The following PIK3C2A variants were observed in gnomAD, a reference collection of about 807,000 sequenced individuals.
The protein encoded by PIK3C2A is phosphatidylinositol 4-phosphate 3-kinase C2 domain-containing subunit alpha.
PIK3C2A carries 97 observed loss-of-function variants against 204.5 expected under a neutral mutation model. The ratio of observed to expected loss-of-function variants is 0.47; its 90% CI spans 0.40 to 0.56. The LOEUF (loss-of-function observed/expected upper bound fraction) is 0.56, where lower values mean the gene tolerates loss of function less well. Ranked by LOEUF, PIK3C2A falls within the 20% of genes least tolerant of loss-of-function variation. The probability of loss-of-function intolerance (pLI) is 0.00; values close to 1 mark genes in which losing one functional copy is unlikely to be tolerated. For missense variants in PIK3C2A, 1,735 were observed against 1,969.2 expected (o/e 0.88, Z 2.25); for synonymous variants, 653 against 664.4 (o/e 0.98, Z 0.26).
chr11:17,110,491 T>G lies in PIK3C2A; in HGVS notation c.3485A>C (p.Lys1162Thr). Reference sequence around the variant, plus strand: ...TACCATCCTCAGATCTAGTCCTTCTTTAAGCCAGATCTTATCCATAATCTT... The same window carrying G: ...TACCATCCTCAGATCTAGTCCTTCTGTAAGCCAGATCTTATCCATAATCTT... ...MIKIMDKIWL[K>T]EGLDLRMVIF... The change falls in exon 22 of 33, where the codon AAA becomes ACA. Residue 1162 changes from lysine to threonine, a missense_variant. By Grantham distance (78) the Lys-to-Thr change is moderately conservative (BLOSUM62 -1). Coordinates refer to ENST00000691414, the MANE Select transcript of PIK3C2A (RefSeq NM_002645.4). 6.2e-7 allele frequency: 1 copy of G among 1,609,674 alleles called. No individual in the cohort carries two copies. The highest frequency in any genetic ancestry group is 8.5e-7 in the Non-Finnish European group (1 of 1,176,140).
intron 3 of PIK3C2A, among the ~76,000 whole-genome samples, chr11:17,153,436 C>CA (rs926336936): frequency 0.012 from 1,023 of 86,652 alleles, 4 homozygotes; most frequent in Middle Eastern, 0.059. Context: ...AACTCCATTT[C>CA]AAAAAAAAAA....
At chr11:17,165,592 A>G (rs1009055213) in intron 2 of PIK3C2A, among the ~76,000 whole-genome samples, 4 of 151,934 alleles carry the variant, frequency 2.6e-5, no homozygotes, top group Non-Finnish European at 4.4e-5. Flanking sequence ...TCTGACCAAC[A>G]TGGAGAAACC....
At chr11:17,196,078 A>G (rs1429891757) in intron 1 of PIK3C2A, among the ~76,000 whole-genome samples, 1 of 152,082 alleles carries the variant, frequency 6.6e-6, no homozygotes, top group East Asian at 1.9e-4. Flanking sequence ...GAAAAGAAAC[A>G]TACTATCACA....
At chr11:17,111,903 TC>T (rs1849015955) in intron 21 of PIK3C2A, among the ~76,000 whole-genome samples, 1 of 117,292 alleles carries the variant, frequency 8.5e-6, no homozygotes, top group African/African-American at 3.2e-5. Context: ...AAAAAAAAAT[TC>T]AAAAAAAAAA....
intron 8 of PIK3C2A, among the ~76,000 whole-genome samples, chr11:17,143,370 C>T (rs547393866): frequency 1.2e-4 from 18 of 152,030 alleles, no homozygotes; most frequent in Non-Finnish European, 2.1e-4. Flanking sequence ...TCTAAATATT[C>T]GCTCTGAAAC....
intron 22 of PIK3C2A, 66 bp downstream of exon 22, chr11:17,110,366 G>A: frequency 4.9e-6 from 6 of 1,218,980 alleles, no homozygotes; most frequent in Non-Finnish European, 3.5e-6. Flanking sequence ...GATGTTTACG[G>A]CAGGTACACT....
At chr11:17,102,550 T>A in intron 24 of PIK3C2A, 112 bp downstream of exon 24, 1 of 765,914 alleles carries the variant, frequency 1.3e-6, no homozygotes, top group Non-Finnish European at 2.2e-6. Context: ...GCCTTTTTCA[T>A]TCCCAGTTAT....
chr11:17,118,873 T>C (rs1160830033), intron 17 of PIK3C2A, 134 bp from the exon 18 acceptor site: 2 of 547,196 alleles, frequency 3.7e-6, no homozygotes, highest in Non-Finnish European at 3.2e-6. Context: ...AAAAATTAAA[T>C]AGATGAATTA....
At chr11:17,183,003 C>T (rs990163616) in intron 1 of PIK3C2A, among the ~76,000 whole-genome samples, 2 of 152,052 alleles carry the variant, frequency 1.3e-5, no homozygotes, top group Non-Finnish European at 2.9e-5. Context: ...CTATACCTGG[C>T]TAAGTTTTGT....
chr11:17,097,231 T>C lies in PIK3C2A; in HGVS notation c.4152A>G (p.Thr1384=). 1.9e-6 allele frequency: 3 copies of C among 1,613,734 alleles called. No homozygotes were observed. The highest frequency in any genetic ancestry group is 2.5e-6 in the Non-Finnish European group (3 of 1,179,690). The change falls in exon 27 of 33, where the codon ACA becomes ACG. Residue 1384 remains threonine, a synonymous_variant. Coordinates refer to ENST00000691414, the MANE Select transcript of PIK3C2A (RefSeq NM_002645.4). ...GGTTGTGAATGAAGAAGTTAAACTT[T>C]GTGGCAATGCTTCCCAAACTTGATT... ...LIESSLGSIA[T]KFNFFIHNLA... is the part of the protein sequence containing the mutation.
chr11:17,146,574 A>T (rs1850251304), intron 6 of PIK3C2A, among the ~76,000 whole-genome samples: 1 of 151,760 alleles, frequency 6.6e-6, no homozygotes, highest in Non-Finnish European at 1.5e-5. Context: ...AAAAAAAATT[A>T]GCTGGGTGGG....
At chr11:17,179,184 C>T (rs1345479829) in intron 1 of PIK3C2A, among the ~76,000 whole-genome samples, 2 of 152,020 alleles carry the variant, frequency 1.3e-5, no homozygotes, top group African/African-American at 4.8e-5. Context: ...ATTTTGAAGA[C>T]AGGGTCTAGC....
At position 17,096,611 on chromosome 11, in the gene PIK3C2A, A is replaced by C. The variant is rs140528135; in HGVS notation, c.4326+446T>G. Reference sequence around the variant, plus strand: ...CTATCTATTTGCCAAAAATTTAAAAACTGGCAGTTCTGGAAAGTATTATCT... The same window carrying C: ...CTATCTATTTGCCAAAAATTTAAAACCTGGCAGTTCTGGAAAGTATTATCT... On this transcript the variant is annotated intron_variant, in intron 27 of 32. Transcript: ENST00000691414. 2.6e-3 allele frequency among the ~76,000 whole-genome samples: 401 copies of C among 152,330 alleles called. 1 individual carries two copies. The highest frequency in any genetic ancestry group is 9.1e-3 in the African/African-American group (378 of 41,572).
intron 13 of PIK3C2A, among the ~76,000 whole-genome samples, chr11:17,126,457 T>G (rs189978294): frequency 1.3e-5 from 2 of 152,188 alleles, no homozygotes; most frequent in African/African-American, 4.8e-5. Context: ...TTTGAGTCAT[T>G]TGGCTTCAAT....
intron 23 of PIK3C2A, 77 bp downstream of exon 23, chr11:17,105,092 T>C: frequency 8.8e-7 from 1 of 1,132,064 alleles, no homozygotes; most frequent in Non-Finnish European, 1.3e-6. Context: ...TCACCAGAGC[T>C]GGAAAATGAA....
Position 17,196,727 on chromosome 11 carries a change from G to A in PIK3C2A, c.-66+11121C>T, listed in dbSNP as rs188484793. Among the ~76,000 whole-genome samples the A allele has an allele frequency of 3.8e-3, 578 of 152,032 alleles. 2 individuals are homozygous for A. Among genetic ancestry groups the A allele is most frequent in the African/African-American group, 0.013 (529 of 41,488 alleles). On this transcript the variant is annotated intron_variant, in intron 1 of 32. Coordinates refer to ENST00000691414, the MANE Select transcript of PIK3C2A (RefSeq NM_002645.4). ...TGGGACTACAGGTACCGGCCACCAC[G>A]CTTGACTAATTTTTCTGTATTTTTA...
intron 6 of PIK3C2A, among the ~76,000 whole-genome samples, 156 bp from the exon 7 acceptor site, chr11:17,146,098 C>T (rs1850234750): frequency 6.6e-6 from 1 of 152,070 alleles, no homozygotes; most frequent in South Asian, 2.1e-4. Context: ...TTATTTGTAA[C>T]TGACTCAGAA....
In PIK3C2A at chr11:17,129,365, A is replaced by T. The variant is rs769424282; in HGVS notation, c.2334T>A (p.Ser778=). The T allele has an allele frequency of 7.4e-6, 12 of 1,613,524 alleles. No homozygotes were observed. In the South Asian group the frequency reaches 1.3e-4, roughly 18 times the overall value. The change falls in exon 13 of 33, where the codon TCT becomes TCA. Residue 778 remains serine (S), a synonymous_variant. Coordinates refer to ENST00000691414, the MANE Select transcript of PIK3C2A (RefSeq NM_002645.4). The stretch of plus-strand genomic sequence containing the variant: ...CTTCTGGTCCCTTTCTCTGCTTATT[A>T]GAATCAGGGGAACTTCCACTGCTCT... ...LNQSSGSSPD[S]NKQRKGPEAL...
At chr11:17,139,755 C>A (rs1439745655) in intron 8 of PIK3C2A, among the ~76,000 whole-genome samples, 1 of 152,182 alleles carries the variant, frequency 6.6e-6, no homozygotes, top group Non-Finnish European at 1.5e-5. Flanking sequence ...GAAACCTTAA[C>A]CACAATATCA....
Sources: allele counts gnomAD v4.1 joint callset (sites outside exome capture counted in the v4.1 genomes callset), GRCh38; gene constraint gnomAD v4.1.1; transcripts MANE v1.5; gene names NCBI Gene and HGNC (gene_info 2026-07-23, HGNC 2026-07-21).